Variants in TMEM74 observed in about 807,000 individuals in gnomAD.
TMEM74 encodes the protein transmembrane protein 74.
Under a neutral mutation model 18.1 loss-of-function variants are expected in TMEM74, and 13 were observed. That is an observed-to-expected ratio of 0.72 (90% CI 0.47 to 1.14). The LOEUF (loss-of-function observed/expected upper bound fraction) is 1.14, where lower values mean the gene tolerates loss of function less well. Among genes scored for constraint, TMEM74 ranks in the 50% most tolerant of loss-of-function variants. The probability of loss-of-function intolerance (pLI) is 0.00; values close to 1 mark genes in which losing one functional copy is unlikely to be tolerated. For missense variants in TMEM74, 372 were observed against 375.9 expected (o/e 0.99, Z 0.09); for synonymous variants, 159 against 146.6 (o/e 1.08, Z -0.61).
chr8:108,683,655 T>C (rs1373780816), intron 1 of TMEM74, among the ~76,000 whole-genome samples: 2 of 152,018 alleles, frequency 1.3e-5, no homozygotes. Flanking sequence ...ATACATGTAA[T>C]GTATAGTGAT....
At chr8:108,676,015 T>A (rs1368164994) in intron 1 of TMEM74, among the ~76,000 whole-genome samples, 1 of 152,168 alleles carries the variant, frequency 6.6e-6, no homozygotes, top group African/African-American at 2.4e-5. Flanking sequence ...AAACTGGCTC[T>A]TTTAAAAAGG....
intron 1 of TMEM74, among the ~76,000 whole-genome samples, chr8:108,710,678 C>A (rs943789939): frequency 2.0e-5 from 3 of 152,220 alleles, no homozygotes; most frequent in African/African-American, 4.8e-5. Flanking sequence ...CTCCCACACA[C>A]AGCTGCACGG....
chr8:108,647,345 T>A (rs939199653), intron 2 of TMEM74, among the ~76,000 whole-genome samples: 2 of 152,174 alleles, frequency 1.3e-5, no homozygotes, highest in Non-Finnish European at 2.9e-5. Flanking sequence ...CAAATCAGCA[T>A]CCTTGGCAGC....
chr8:108,685,696 T>C (rs1248227787), intron 1 of TMEM74, among the ~76,000 whole-genome samples: 1 of 152,118 alleles, frequency 6.6e-6, no homozygotes, highest in East Asian at 1.9e-4. Context: ...GTTAGAAATA[T>C]AGACCAAGAA....
chr8:108,773,601 C>T (rs190803633), intron 1 of TMEM74, among the ~76,000 whole-genome samples: 74 of 152,250 alleles, frequency 4.9e-4, no homozygotes, highest in Non-Finnish European at 1.6e-4. Flanking sequence ...CAGTGTTTGA[C>T]GTCCAAAACT....
chr8:108,645,076 C>A (rs924955152), intron 2 of TMEM74, among the ~76,000 whole-genome samples: 2 of 152,032 alleles, frequency 1.3e-5, no homozygotes, highest in Non-Finnish European at 2.9e-5. Flanking sequence ...GTACTATTTT[C>A]ACAATAGCAA....
At chr8:108,652,568 A>C in intron 2 of TMEM74, 1 of 588,420 alleles carries the variant, frequency 1.7e-6, no homozygotes, top group Non-Finnish European at 3.2e-6. Flanking sequence ...TCTGGGTATC[A>C]TAAGAAAAAT....
intron 1 of TMEM74, among the ~76,000 whole-genome samples, chr8:108,668,821 A>T (rs1252828691): frequency 6.6e-6 from 1 of 152,044 alleles, no homozygotes; most frequent in East Asian, 1.9e-4. Flanking sequence ...TGAGACTCCA[A>T]ATTTCATCAT....
rs558158819 is a variant in TMEM74 at position 108,678,853 on chromosome 8, C to G, written n.120-23416G>C. Among the ~76,000 whole-genome samples, 118 of 150,964 alleles carry G rather than the reference C, an allele frequency of 7.8e-4. 4 individuals carry two copies. The South Asian group carries it at 0.024, about 31-fold the overall frequency. The stretch of plus-strand genomic sequence containing the variant: ...TGTTGGTGTGCTGCACCCATTAACT[C>G]ATCATTTAGCATTAGGTATATCTCC... On this transcript the variant is annotated intron_variant and non_coding_transcript_variant, in intron 1 of 3. Coordinates refer to the TMEM74 transcript ENST00000518838.
intron 1 of TMEM74, among the ~76,000 whole-genome samples, chr8:108,706,838 T>C (rs112295937): frequency 6.6e-6 from 1 of 150,708 alleles, no homozygotes; most frequent in Non-Finnish European, 1.5e-5. Context: ...TAAAATAATA[T>C]TTGAAATTTT....
At chr8:108,672,967 A>G (rs1161226982) in intron 1 of TMEM74, among the ~76,000 whole-genome samples, 2 of 152,194 alleles carry the variant, frequency 1.3e-5, no homozygotes, top group Non-Finnish European at 2.9e-5. Flanking sequence ...GAATAGTTCA[A>G]ACACAGATAG....
chr8:108,771,002 A>G (rs1474755391), intron 1 of TMEM74, among the ~76,000 whole-genome samples: 1 of 152,164 alleles, frequency 6.6e-6, no homozygotes, highest in Non-Finnish European at 1.5e-5. Flanking sequence ...CAGTGTAACA[A>G]TCCTGACATC....
At chr8:108,690,371 T>C (rs1196622499) in intron 1 of TMEM74, among the ~76,000 whole-genome samples, 2 of 147,676 alleles carry the variant, frequency 1.4e-5, no homozygotes, top group African/African-American at 5.0e-5. Context: ...TAAATTACAA[T>C]ACTGTTTTTT....
rs1290111276 is a variant in TMEM74 at position 108,781,032 on chromosome 8, A to G, written c.*3149T>C. On this transcript the variant is annotated 3_prime_UTR_variant, in exon 2 of 2. Coordinates refer to ENST00000297459, the MANE Select transcript of TMEM74 (RefSeq NM_153015.3). ...CAGCAGCGTGTAGATCCCAGTAATAAAGGAGAAAGACAGCTTTCTTTCTGT... is the reference window on the plus strand; with the variant it reads ...CAGCAGCGTGTAGATCCCAGTAATAGAGGAGAAAGACAGCTTTCTTTCTGT... Among the ~76,000 whole-genome samples the G allele has an allele frequency of 7.2e-6, 1 of 138,618 alleles. No individual in the cohort carries two copies. The highest frequency in any genetic ancestry group is 2.7e-5 in the African/African-American group (1 of 37,306). The allele number at this position is 138,618 out of a possible 152,430, so 90.9% of individuals were successfully genotyped here.
intron 1 of TMEM74, among the ~76,000 whole-genome samples, chr8:108,756,658 A>G (rs1223852611): frequency 1.3e-5 from 1 of 75,248 alleles, no homozygotes; most frequent in African/African-American, 6.6e-5. Flanking sequence ...AAGAGAAAGA[A>G]AGAAAGAAAG....
At chr8:108,641,816 A>G (rs1275800412) in intron 2 of TMEM74, among the ~76,000 whole-genome samples, 1 of 152,114 alleles carries the variant, frequency 6.6e-6, no homozygotes, top group Non-Finnish European at 1.5e-5. Context: ...AAGTTGGAAA[A>G]GAGCTCATCA....
chr8:108,641,454 G>A (rs879542158), intron 2 of TMEM74, among the ~76,000 whole-genome samples: 1 of 152,140 alleles, frequency 6.6e-6, no homozygotes, highest in Admixed American at 6.6e-5. Context: ...CACTGTGACA[G>A]TGCTGCTTCT....
At chr8:108,658,085 T>C (rs986512623) in intron 1 of TMEM74, among the ~76,000 whole-genome samples, 7 of 151,158 alleles carry the variant, frequency 4.6e-5, no homozygotes, top group African/African-American at 1.5e-4. Flanking sequence ...CTGACCAGCT[T>C]GTGACTCATT....
At chr8:108,610,254 G>T (rs369601175) in intron 2 of TMEM74, among the ~76,000 whole-genome samples, 7 of 152,112 alleles carry the variant, frequency 4.6e-5, no homozygotes, top group African/African-American at 1.7e-4. Flanking sequence ...ATCCTTCCCC[G>T]AGATGGGGGG....
Sources: gnomAD v4.1 joint callset for allele counts (sites outside exome capture counted in the v4.1 genomes callset) on GRCh38, gnomAD v4.1.1 for gene constraint, MANE v1.5 for transcripts, NCBI Gene and HGNC (gene_info 2026-07-23, HGNC 2026-07-21) for gene names.